The following NPAS3 variants were observed in gnomAD, a reference collection of about 807,000 sequenced individuals.
NPAS3 encodes neuronal PAS domain-containing protein 3.
In NPAS3, 14 loss-of-function variants were observed where a neutral mutation model predicts 73.1. The ratio of observed to expected loss-of-function variants is 0.19; its 90% confidence interval spans 0.13 to 0.30. The LOEUF is 0.30. Among genes scored for constraint, NPAS3 ranks in the 10% least tolerant of loss-of-function variants. The probability of loss-of-function intolerance (pLI) is 1.00; values close to 1 mark genes in which losing one functional copy is unlikely to be tolerated. For synonymous variants in NPAS3, 620 were observed against 541.5 expected, an observed-to-expected ratio of 1.14 and a Z score of -2.01; for missense variants, 1,096 against 1,250.0, an observed-to-expected ratio of 0.88 and a Z score of 1.86.
At chr14:33,176,134 A>G (rs1167610889) in intron 2 of NPAS3, among the ~76,000 whole-genome samples, 1 of 152,222 alleles carries the variant, frequency 6.6e-6, no homozygotes, top group Non-Finnish European at 1.5e-5. Context: ...AGTGAAGTCA[A>G]ATACTGCCTG....
intron 3 of NPAS3, among the ~76,000 whole-genome samples, chr14:33,229,850 T>C (rs61972687): frequency 6.6e-6 from 1 of 152,252 alleles, no homozygotes; most frequent in Non-Finnish European, 1.5e-5. Context: ...TTTATGATGC[T>C]ATTTTTAAGC....
At chr14:33,353,579 C>G (rs1375013657) in intron 3 of NPAS3, among the ~76,000 whole-genome samples, 1 of 152,184 alleles carries the variant, frequency 6.6e-6, no homozygotes, top group Non-Finnish European at 1.5e-5. Context: ...TAGGAAGCCT[C>G]AAAACAGCAT....
chr14:33,374,488 T>TC (rs2046233549), intron 4 of NPAS3, among the ~76,000 whole-genome samples: 1 of 151,864 alleles, frequency 6.6e-6, no homozygotes, highest in South Asian at 2.1e-4. Flanking sequence ...CCAGAAGTTT[T>TC]TTTTAAAAAA....
At chr14:33,248,288 T>C (rs2048460478) in intron 3 of NPAS3, among the ~76,000 whole-genome samples, 1 of 152,232 alleles carries the variant, frequency 6.6e-6, no homozygotes, top group South Asian at 2.1e-4. Flanking sequence ...CCACGTTGGC[T>C]GTCATAAAAA....
At chr14:33,604,261 C>A (rs1024557430) in intron 5 of NPAS3, among the ~76,000 whole-genome samples, 1 of 151,554 alleles carries the variant, frequency 6.6e-6, no homozygotes, top group African/African-American at 2.4e-5. Context: ...AATATGTGGC[C>A]TACAAGACAT....
At chr14:33,534,428 C>T (rs1254747079) in intron 4 of NPAS3, among the ~76,000 whole-genome samples, 2 of 151,982 alleles carry the variant, frequency 1.3e-5, no homozygotes, top group African/African-American at 4.8e-5. Flanking sequence ...GGCCAAATCC[C>T]TTGAATGACA....
intron 1 of NPAS3, among the ~76,000 whole-genome samples, chr14:33,013,087 T>C (rs899700708): frequency 6.6e-6 from 1 of 152,174 alleles, no homozygotes; most frequent in East Asian, 1.9e-4. Context: ...TAATGAGATA[T>C]ACTGATTAAA....
At chr14:33,562,772 G>A (rs918367352) in intron 5 of NPAS3, among the ~76,000 whole-genome samples, 1 of 152,118 alleles carries the variant, frequency 6.6e-6, no homozygotes, top group Non-Finnish European at 1.5e-5. Flanking sequence ...TCCTAATAGA[G>A]AAATAGAGGT....
At chr14:33,720,161 G>A (rs17101770) in intron 6 of NPAS3, among the ~76,000 whole-genome samples, 5,148 of 152,182 alleles carry the variant, frequency 0.034, 289 homozygotes, top group African/African-American at 0.12. Flanking sequence ...TTCTTCTCTA[G>A]AGCCTCCCAG....
chr14:33,755,148 G>T (rs1430640732), intron 7 of NPAS3, among the ~76,000 whole-genome samples: 1 of 152,196 alleles, frequency 6.6e-6, no homozygotes, highest in Non-Finnish European at 1.5e-5. Context: ...TACCTCTCCT[G>T]AAACATCGTA....
At chr14:33,087,157 A>C (rs2042057629) in intron 2 of NPAS3, among the ~76,000 whole-genome samples, 1 of 100,156 alleles carries the variant, frequency 1.0e-5, no homozygotes, top group Admixed American at 9.6e-5. Flanking sequence ...AGTATACAAT[A>C]TAATATTGTA....
chr14:33,333,590 T>A (rs2140284889), intron 3 of NPAS3, among the ~76,000 whole-genome samples: 1 of 152,272 alleles, frequency 6.6e-6, no homozygotes, highest in South Asian at 2.1e-4. Context: ...ACCCAGACTT[T>A]TTTTTCCTGG....
intron 8 of NPAS3, 71 bp from the exon 9 acceptor site, chr14:33,778,395 T>C: frequency 8.9e-7 from 1 of 1,122,564 alleles, no homozygotes; most frequent in Non-Finnish European, 1.4e-6. Context: ...GTAGAACTGT[T>C]TCTAAGTTAT....
chr14:33,595,923 G>T (rs1042999564), intron 5 of NPAS3, among the ~76,000 whole-genome samples: 1 of 152,132 alleles, frequency 6.6e-6, no homozygotes, highest in African/African-American at 2.4e-5. Flanking sequence ...GACCGCCTAG[G>T]CCTCCCAAAG....
intron 1 of NPAS3, among the ~76,000 whole-genome samples, chr14:33,031,184 A>G (rs992237368): frequency 6.6e-6 from 1 of 152,180 alleles, no homozygotes; most frequent in African/African-American, 2.4e-5. Flanking sequence ...TGTTATTTCC[A>G]TTATTACCTG....
At chr14:33,167,938 G>A (rs1277050759) in intron 2 of NPAS3, among the ~76,000 whole-genome samples, 6 of 152,222 alleles carry the variant, frequency 3.9e-5, no homozygotes, top group Non-Finnish European at 8.8e-5. Flanking sequence ...CCTGGGAGAT[G>A]CGATCGCCTA....
chr14:33,208,623 A>C (rs2046919046), intron 2 of NPAS3, among the ~76,000 whole-genome samples: 1 of 152,128 alleles, frequency 6.6e-6, no homozygotes, highest in South Asian at 2.1e-4. Context: ...ACATTTTTTT[A>C]AGCAATCAAT....
intron 4 of NPAS3, among the ~76,000 whole-genome samples, chr14:33,435,222 A>T (rs993584553): frequency 6.6e-6 from 1 of 152,226 alleles, no homozygotes; most frequent in Non-Finnish European, 1.5e-5. Context: ...AAATTTAGAG[A>T]GAAAGAGAAT....
intron 4 of NPAS3, among the ~76,000 whole-genome samples, chr14:33,505,471 CAT>C (rs1441900287): frequency 6.6e-6 from 1 of 151,978 alleles, no homozygotes; most frequent in Non-Finnish European, 1.5e-5. Flanking sequence ...GCTGAAATAA[CAT>C]ATGAGTTATT....
Sources: gnomAD v4.1 joint callset for allele counts (sites outside exome capture counted in the v4.1 genomes callset) on GRCh38, gnomAD v4.1.1 for gene constraint, MANE v1.5 for transcripts, NCBI Gene and HGNC (gene_info 2026-07-23, HGNC 2026-07-21) for gene names.